ACBD6: variants seen among roughly 807,000 people sequenced by gnomAD.
The protein encoded by ACBD6 is acyl-CoA binding domain containing 6.
In ACBD6, 28 loss-of-function variants were observed where a neutral mutation model predicts 37.2. The ratio of observed to expected loss-of-function variants is 0.75; its 90% confidence interval spans 0.56 to 1.03. The LOEUF is 1.03. ACBD6 is among the 50% of genes least tolerant of loss of function. ACBD6 has a pLI of 0.00. For missense variants in ACBD6, 340 were observed against 337.4 expected, an observed-to-expected ratio of 1.01 and a Z score of -0.06; for synonymous variants, 113 against 126.8, an observed-to-expected ratio of 0.89 and a Z score of 0.73.
intron 7 of ACBD6, among the ~76,000 whole-genome samples, chr1:180,300,092 T>C (rs1026897849): frequency 2.0e-5 from 3 of 152,088 alleles, no homozygotes; most frequent in African/African-American, 7.2e-5. Context: ...GTTTGACAAC[T>C]GCTATAATCA....
intron 3 of ACBD6, among the ~76,000 whole-genome samples, chr1:180,466,296 T>TA (rs1650346043): frequency 6.6e-6 from 1 of 152,210 alleles, no homozygotes; most frequent in Non-Finnish European, 1.5e-5. Context: ...TATTCAGTGT[T>TA]AAAGCAACAA....
chr1:180,396,409 GAC>G (rs1654261793), intron 6 of ACBD6, among the ~76,000 whole-genome samples: 1 of 151,974 alleles, frequency 6.6e-6, no homozygotes, highest in Non-Finnish European at 1.5e-5. Flanking sequence ...TCTAAAGTAT[GAC>G]ACCATAAACA....
At chr1:180,364,588 C>A (rs904464096) in intron 6 of ACBD6, among the ~76,000 whole-genome samples, 1 of 152,152 alleles carries the variant, frequency 6.6e-6, no homozygotes, top group Non-Finnish European at 1.5e-5. Context: ...TAATAATTAG[C>A]ACTTTCTGAA....
chr1:180,352,563 T>C (rs115721917), intron 6 of ACBD6, among the ~76,000 whole-genome samples: 2,775 of 152,214 alleles, frequency 0.018, 89 homozygotes, highest in African/African-American at 0.062. Context: ...TGCTTCCTAC[T>C]GAGAGGGGGC....
chr1:180,277,849 C>A (rs1194359222), intron 9 of ACBD6: 1 of 145,006 alleles, frequency 6.9e-6, no homozygotes, highest in African/African-American at 2.5e-5. Flanking sequence ...CACAAGAAAA[C>A]CATTTGGCAG....
At chr1:180,304,262 T>A (rs931887666) in intron 7 of ACBD6, among the ~76,000 whole-genome samples, 1 of 150,582 alleles carries the variant, frequency 6.6e-6, no homozygotes, top group East Asian at 1.9e-4. Context: ...GCCAGGGTAA[T>A]CAGGCAGGAG....
chr1:180,458,985 A>G lies in ACBD6; in HGVS notation c.385-28723T>C, dbSNP rs146970817. Among the ~76,000 whole-genome samples, 15 of 152,262 alleles carry G rather than the reference A, an allele frequency of 9.9e-5. 1 individual carries two copies. In the East Asian group the frequency reaches 2.9e-3, roughly 29 times the overall value. On this transcript the variant is annotated intron_variant, in intron 3 of 7. Coordinates refer to ENST00000367595, the MANE Select transcript of ACBD6 (RefSeq NM_032360.4). ...ACAAATTTTTTAAAGGTTTTATTAG[A>G]AAGTTTTATTAGAAGTTTTATTAGA...
downstream of ACBD6, among the ~76,000 whole-genome samples, chr1:180,284,081 G>T (rs1207062423): frequency 2.6e-5 from 4 of 152,154 alleles, no homozygotes; most frequent in Admixed American, 2.6e-4. Flanking sequence ...AGTGAATAAA[G>T]ATTAGGTTAA....
intron 6 of ACBD6, among the ~76,000 whole-genome samples, chr1:180,322,805 T>C (rs1236905087): frequency 6.6e-6 from 1 of 151,662 alleles, no homozygotes; most frequent in Non-Finnish European, 1.5e-5. Flanking sequence ...ACACCAAGTT[T>C]TCATTTTGAT....
chr1:180,436,002 T>C, intron 3 of ACBD6: 1 of 854,594 alleles, frequency 1.2e-6, no homozygotes. Context: ...ACCTTCAGAA[T>C]TTACTGTATC....
chr1:180,404,393 T>TC (rs1647517459), intron 5 of ACBD6, among the ~76,000 whole-genome samples: 1 of 152,122 alleles, frequency 6.6e-6, no homozygotes, highest in Admixed American at 6.6e-5. Context: ...ACTCCTGCGC[T>TC]CAAGAATTCC....
exon 14 of ACBD6, chr1:180,271,915 G>C: frequency 6.2e-7 from 1 of 1,613,650 alleles, no homozygotes; most frequent in Non-Finnish European, 8.5e-7. Context: ...AGTTCTATAA[G>C]AGCGTCAAGA....
At chr1:180,286,240 T>A (rs1019698830), downstream of ACBD6, among the ~76,000 whole-genome samples, 1 of 152,168 alleles carries the variant, frequency 6.6e-6, no homozygotes, top group Non-Finnish European at 1.5e-5. Flanking sequence ...ATGGCTGTTT[T>A]TAGTGATAGC....
intron 6 of ACBD6, among the ~76,000 whole-genome samples, chr1:180,321,635 TTC>T (rs1335023912): frequency 6.6e-6 from 1 of 152,254 alleles, no homozygotes; most frequent in East Asian, 1.9e-4. Flanking sequence ...ACCACTGCAC[TTC>T]AGCCTGGGTG....
At chr1:180,440,861 A>T (rs1025208176) in intron 3 of ACBD6, among the ~76,000 whole-genome samples, 1 of 152,210 alleles carries the variant, frequency 6.6e-6, no homozygotes, top group Admixed American at 6.5e-5. Context: ...GCTCATCTAT[A>T]TTATAGCATG....
intron 3 of ACBD6, among the ~76,000 whole-genome samples, chr1:180,457,581 G>A (rs1438500510): frequency 2.0e-5 from 3 of 152,068 alleles, no homozygotes; most frequent in African/African-American, 7.2e-5. Context: ...TAGTGCTAAG[G>A]AATCTTACAA....
exon 14 of ACBD6, chr1:180,271,939 C>T: frequency 1.2e-6 from 2 of 1,613,330 alleles, no homozygotes; most frequent in Non-Finnish European, 8.5e-7. Flanking sequence ...GCCGGGGCAG[C>T]AGCAAGCAGG....
chr1:180,384,896 GAC>G (rs1448914540), intron 6 of ACBD6, among the ~76,000 whole-genome samples: 1 of 152,172 alleles, frequency 6.6e-6, no homozygotes, highest in Non-Finnish European at 1.5e-5. Flanking sequence ...AAATAAGCCA[GAC>G]ACAGAAAGAC....
intron 7 of ACBD6, among the ~76,000 whole-genome samples, chr1:180,301,102 T>A (rs1209741472): frequency 6.6e-6 from 1 of 152,158 alleles, no homozygotes; most frequent in African/African-American, 2.4e-5. Flanking sequence ...AGTACCTAGC[T>A]CAAACATTTG....
Sources: allele counts gnomAD v4.1 joint callset (sites outside exome capture counted in the v4.1 genomes callset), GRCh38; gene constraint gnomAD v4.1.1; transcripts MANE v1.5; gene names NCBI Gene and HGNC (gene_info 2026-07-23, HGNC 2026-07-21).